Variants in NT5M observed in about 807,000 individuals in gnomAD.
The protein encoded by NT5M is 5',3'-nucleotidase, mitochondrial.
A neutral mutation model predicts 22.2 loss-of-function variants in NT5M; 22 were observed. The observed-to-expected ratio is 0.99, with a 90% confidence interval of 0.71 to 1.41. The LOEUF is 1.41. Among genes scored for constraint, NT5M ranks in the 40% most tolerant of loss-of-function variants. The probability of loss-of-function intolerance (pLI) is 0.00; values close to 1 mark genes in which losing one functional copy is unlikely to be tolerated. For missense variants in NT5M, 322 were observed against 314.8 expected (o/e 1.02, Z -0.17); for synonymous variants, 167 against 133.0 (o/e 1.26, Z -1.76).
chr17:17,337,595 G>T (rs574790826), intron 3 of NT5M, among the ~76,000 whole-genome samples: 22 of 152,046 alleles, frequency 1.4e-4, no homozygotes, highest in African/African-American at 4.8e-4. Flanking sequence ...TGTAGAGACG[G>T]GGTCTTACTA....
At position 17,303,610 on chromosome 17, in the gene NT5M, G is replaced by A. The variant is rs1198051395; in HGVS notation, c.60G>A (p.Gly20=). The A allele has an allele frequency of 8.0e-7, 1 of 1,252,900 alleles. No individual in the cohort carries two copies. The allele number at this position is 1,252,900 out of a possible 1,614,324, so 77.6% of individuals were successfully genotyped here. A position where few individuals can be genotyped will look rare whatever the true frequency, so the allele number is the denominator to read the frequency against. Residue 20 remains glycine (G), a synonymous_variant, in exon 1 of 5, where the codon GGG becomes GGA. Coordinates refer to ENST00000389022, the MANE Select transcript of NT5M (RefSeq NM_020201.4). ...TCTGCAGCGCGGCGGTTCCCGCGGG[G>A]CGGCGCGGGGCGGCGGGCGGGCTGG... The part of the protein sequence containing the change: ...RRLCSAAVPA[G]RRGAAGGLGL...
Position 17,346,818 on chromosome 17 carries a change from C to T in NT5M, c.558C>T (p.Thr186=), listed in dbSNP as rs1419160051. 44 of 1,607,734 alleles carry T rather than the reference C, an allele frequency of 2.7e-5. No individual in the cohort carries two copies. Among genetic ancestry groups the T allele is most frequent in the South Asian group, 1.1e-4 (10 of 91,062 alleles). Residue 186 remains threonine, a synonymous_variant, in exon 5 of 5, where the codon ACC becomes ACT. Transcript: ENST00000389022. Reference sequence around the variant, plus strand: ...TCCCACCCACAGGGGCCGAGCCAACCCCCAGCTGGGAGCATGTCCTCTTCA... The same window carrying T: ...TCCCACCCACAGGGGCCGAGCCAACTCCCAGCTGGGAGCATGTCCTCTTCA... The part of the protein sequence containing the change: ...DRPDITGAEP[T]PSWEHVLFTA...
At chr17:17,306,176 C>T (rs1162667944) in intron 1 of NT5M, among the ~76,000 whole-genome samples, 1 of 152,098 alleles carries the variant, frequency 6.6e-6, no homozygotes, top group Non-Finnish European at 1.5e-5. Context: ...GACTCTACTA[C>T]CATGGTAAGA....
Position 17,347,111 on chromosome 17 carries a change from C to A in NT5M, c.*164C>A. On this transcript the variant is annotated 3_prime_UTR_variant, in exon 5 of 5. Coordinates refer to ENST00000389022, the MANE Select transcript of NT5M (RefSeq NM_020201.4). ...TTCCCCAGCCCTGCCAGGCCTTAAC[C>A]TGATCACGGGGCAGGGCTGGGCCCT... is the stretch of plus-strand genomic sequence containing the variant. The A allele has an allele frequency of 1.1e-6, 1 of 922,980 alleles. No individual in the cohort carries two copies. The highest frequency in any genetic ancestry group is 1.6e-6 in the Non-Finnish European group (1 of 631,100). The allele number at this position is 922,980 out of a possible 1,614,324, so 57.2% of individuals were successfully genotyped here.
At position 17,322,909 on chromosome 17, in the gene NT5M, T is replaced by G. The variant is rs922608297; in HGVS notation, c.369-276T>G. Among the ~76,000 whole-genome samples the G allele has an allele frequency of 4.6e-5, 7 of 152,196 alleles. No individual in the cohort carries two copies. In the South Asian group the frequency reaches 1.2e-3, roughly 27 times the overall value. ...CCAGAATCCTTCTTCCTCATAGATT[T>G]CTTGACTTACCACTCTGCATTGCAG... On this transcript the variant is annotated intron_variant, in intron 2 of 4. Transcript: ENST00000389022.
At chr17:17,326,312 C>T (rs2049264640) in intron 3 of NT5M, among the ~76,000 whole-genome samples, 1 of 152,184 alleles carries the variant, frequency 6.6e-6, no homozygotes, top group Non-Finnish European at 1.5e-5. Context: ...GAGGCCTGCT[C>T]CGGGTCTGCC....
intron 2 of NT5M, among the ~76,000 whole-genome samples, chr17:17,311,392 T>C (rs985895775): frequency 4.6e-5 from 7 of 151,928 alleles, no homozygotes; most frequent in Non-Finnish European, 8.8e-5. Flanking sequence ...CTATGATCCA[T>C]TTTGAGTTAA....
At chr17:17,329,971 CA>C (rs1161082501) in intron 3 of NT5M, among the ~76,000 whole-genome samples, 2 of 151,386 alleles carry the variant, frequency 1.3e-5, no homozygotes, top group Non-Finnish European at 2.9e-5. Flanking sequence ...TTCCCTGTCT[CA>C]AAAAAACAAA....
rs2048721000 is a variant in NT5M at position 17,303,401 on chromosome 17, AC to A, written c.-146del. 1 of 932,434 alleles carries A rather than the reference AC, an allele frequency of 1.1e-6. No individual in the cohort carries two copies. Among genetic ancestry groups the A allele is most frequent in the African/African-American group, 1.8e-5 (1 of 56,128 alleles). 57.8% of individuals were successfully genotyped at this position (932,434 alleles called of 1,614,324 possible). A position where few individuals can be genotyped will look rare whatever the true frequency, so the allele number is the denominator to read the frequency against. On this transcript the variant is annotated 5_prime_UTR_variant, in exon 1 of 5. Coordinates refer to ENST00000389022, the MANE Select transcript of NT5M (RefSeq NM_020201.4). ...CTGGGGCCGGTACTTGCGCGCCCGC[AC>A]CCCGCGCTCCCCGCCCCGCTCCCCG...
At chr17:17,344,185 A>C (rs541187597) in intron 3 of NT5M, among the ~76,000 whole-genome samples, 1 of 152,176 alleles carries the variant, frequency 6.6e-6, no homozygotes, top group South Asian at 2.1e-4. Context: ...GTCCGTTAGC[A>C]CCTGGAATGC....
chr17:17,319,207 G>C (rs558134301), intron 2 of NT5M, among the ~76,000 whole-genome samples: 1 of 114,384 alleles, frequency 8.7e-6, no homozygotes, highest in Non-Finnish European at 1.9e-5. Context: ...GTGAGACCTC[G>C]TCTTAGAAAA....
chr17:17,332,223 T>C (rs1860553), intron 3 of NT5M, among the ~76,000 whole-genome samples: 39,243 of 152,046 alleles, frequency 0.26, 5,790 homozygotes, highest in African/African-American at 0.4. Flanking sequence ...TGCTAGGGAC[T>C]GTGTCTAGCT....
In NT5M at chr17:17,347,074, A is replaced by G. The variant is rs757225785; in HGVS notation, c.*127A>G. 129 of 1,207,290 alleles carry G rather than the reference A, an allele frequency of 1.1e-4. No individual in the cohort carries two copies. Among genetic ancestry groups the G allele is most frequent in the Non-Finnish European group, 1.4e-4 (122 of 880,110 alleles). 74.8% of individuals were successfully genotyped at this position (1,207,290 alleles called of 1,614,324 possible). ...CCTGGGCCCCATGACCTCCTGCTGC[A>G]TGTCCCTTCCCTTCCCCAGCCCTGC... On this transcript the variant is annotated 3_prime_UTR_variant, in exon 5 of 5. Coordinates refer to ENST00000389022, the MANE Select transcript of NT5M (RefSeq NM_020201.4).
chr17:17,309,127 C>CTTTTT, intron 2 of NT5M, among the ~76,000 whole-genome samples: 1 of 140,446 alleles, frequency 7.1e-6, no homozygotes, highest in Non-Finnish European at 1.5e-5. Context: ...TTCTTTCTTT[C>CTTTTT]TTTTTTTTTT....
chr17:17,310,714 T>C (rs1304355995), intron 2 of NT5M, among the ~76,000 whole-genome samples: 1 of 143,010 alleles, frequency 7.0e-6, no homozygotes, highest in Non-Finnish European at 1.5e-5. Flanking sequence ...GGTGCGTGCC[T>C]GTGATCCCAG....
chr17:17,340,331 T>G (rs564334560), intron 3 of NT5M, among the ~76,000 whole-genome samples: 7 of 152,298 alleles, frequency 4.6e-5, no homozygotes, highest in African/African-American at 1.7e-4. Context: ...TAGTGTTTCC[T>G]TTGTCATCTC....
chr17:17,338,195 CTTT>C (rs35575792), intron 3 of NT5M, among the ~76,000 whole-genome samples: 5 of 143,042 alleles, frequency 3.5e-5, no homozygotes, highest in Admixed American at 7.0e-5. Flanking sequence ...GTTCTGTGAT[CTTT>C]TTTTTTTTTT....
intron 3 of NT5M, among the ~76,000 whole-genome samples, chr17:17,333,971 C>G (rs2049443439): frequency 6.6e-6 from 1 of 151,514 alleles, no homozygotes; most frequent in Non-Finnish European, 1.5e-5. Flanking sequence ...GTAGCTGGGA[C>G]TACAGGCACC....
chr17:17,320,411 G>T (rs2049126980), intron 2 of NT5M, among the ~76,000 whole-genome samples: 1 of 152,080 alleles, frequency 6.6e-6, no homozygotes, highest in Non-Finnish European at 1.5e-5. Flanking sequence ...GCTTTGGCGG[G>T]ACCCATAAGA....
Sources: allele counts gnomAD v4.1 joint callset (sites outside exome capture counted in the v4.1 genomes callset), GRCh38; gene constraint gnomAD v4.1.1; transcripts MANE v1.5; gene names NCBI Gene and HGNC (gene_info 2026-07-23, HGNC 2026-07-21).